TNFRSF11B: variants seen among roughly 807,000 people sequenced by gnomAD.
The protein encoded by TNFRSF11B is tumor necrosis factor receptor superfamily member 11B.
TNFRSF11B carries 16 observed loss-of-function variants against 43.4 expected under a neutral mutation model. The ratio of observed to expected loss-of-function variants is 0.37; its 90% CI spans 0.25 to 0.56. The LOEUF is 0.56. Ranked by LOEUF, TNFRSF11B falls within the 20% of genes least tolerant of loss-of-function variation. The pLI is 0.80. For synonymous variants in TNFRSF11B, 185 were observed against 181.8 expected (o/e 1.02, Z -0.14); for missense variants, 444 against 490.1 (o/e 0.91, Z 0.89).
At chr8:118,939,771 A>T (rs190403583) in intron 1 of TNFRSF11B, among the ~76,000 whole-genome samples, 64 of 152,342 alleles carry the variant, frequency 4.2e-4, no homozygotes, top group African/African-American at 1.5e-3. Context: ...AGCTGAAGAC[A>T]CAGCTTTCGT....
At chr8:118,930,998 G>A (rs1343453786) in intron 2 of TNFRSF11B, among the ~76,000 whole-genome samples, 2 of 152,032 alleles carry the variant, frequency 1.3e-5, no homozygotes, top group African/African-American at 4.8e-5. Context: ...ACTATCAGTG[G>A]AAATATAAAA....
intron 4 of TNFRSF11B, 109 bp downstream of exon 4, chr8:118,926,385 C>A (rs1812243622): frequency 9.4e-7 from 1 of 1,062,258 alleles, no homozygotes; most frequent in South Asian, 1.4e-5. Flanking sequence ...ATGATTCCAA[C>A]AGGGAAACAA....
chr8:118,933,740 G>A (rs11573905), intron 1 of TNFRSF11B, among the ~76,000 whole-genome samples: 4,304 of 151,346 alleles, frequency 0.028, 115 homozygotes, highest in East Asian at 0.16. Flanking sequence ...TTATTCCACC[G>A]ATGTGGGGAT....
chr8:118,929,702 C>T (rs974124778), intron 2 of TNFRSF11B, among the ~76,000 whole-genome samples: 1 of 152,094 alleles, frequency 6.6e-6, no homozygotes, highest in Non-Finnish European at 1.5e-5. Context: ...CAACTAAAGA[C>T]GCTATTAAAA....
At chr8:118,939,157 C>T (rs1012157985) in intron 1 of TNFRSF11B, among the ~76,000 whole-genome samples, 10 of 152,042 alleles carry the variant, frequency 6.6e-5, no homozygotes, top group Admixed American at 2.6e-4. Flanking sequence ...AAAGATCTCT[C>T]GGTACTATGA....
chr8:118,938,371 T>A (rs1265745569), intron 1 of TNFRSF11B, among the ~76,000 whole-genome samples: 1 of 152,194 alleles, frequency 6.6e-6, no homozygotes, highest in Non-Finnish European at 1.5e-5. Flanking sequence ...TATTTTGGTT[T>A]ATACCTACTT....
chr8:118,939,514 G>A (rs1487879802), intron 1 of TNFRSF11B, among the ~76,000 whole-genome samples: 1 of 152,168 alleles, frequency 6.6e-6, no homozygotes, highest in Non-Finnish European at 1.5e-5. Context: ...GAAAGAATAG[G>A]TATGACGTGT....
chr8:118,948,147 A>G (rs1812593253), intron 1 of TNFRSF11B, among the ~76,000 whole-genome samples: 1 of 152,210 alleles, frequency 6.6e-6, no homozygotes, highest in Non-Finnish European at 1.5e-5. Context: ...TAAACCATAC[A>G]AATATCCTGA....
chr8:118,949,433 G>A (rs1812609618), intron 1 of TNFRSF11B, among the ~76,000 whole-genome samples: 1 of 152,144 alleles, frequency 6.6e-6, no homozygotes, highest in South Asian at 2.1e-4. Flanking sequence ...AGGAGCTAGT[G>A]TTGATATGAA....
Position 118,928,884 on chromosome 8 carries a change from A to C in TNFRSF11B, c.446T>G (p.Phe149Cys), listed in dbSNP as rs1180065409. ...NTVCKRCPDG[F>C]FSNETSSKAP... ...TTTAGATGACGTCTCATTTGAGAAGAACCCATCTGGACATCTTTTGCAAAC... is the reference window on the plus strand; with the variant it reads ...TTTAGATGACGTCTCATTTGAGAAGCACCCATCTGGACATCTTTTGCAAAC... The change falls in exon 3 of 5, where the codon TTC (phenylalanine) becomes TGC (cysteine). Residue 149 changes from phenylalanine to cysteine, a missense_variant. Physicochemically the swap from Phe to Cys is radical, Grantham distance 205 (BLOSUM62 -2). Transcript: ENST00000297350. The C allele has an allele frequency of 1.2e-6, 2 of 1,614,090 alleles. No individual in the cohort carries two copies. Among genetic ancestry groups the C allele is most frequent in the Non-Finnish European group, 1.7e-6 (2 of 1,180,044 alleles).
chr8:118,923,829 A>G lies in TNFRSF11B; in HGVS notation c.*545T>C, dbSNP rs11573947. 7.3e-3 allele frequency: 1,118 copies of G among 152,720 alleles called. 5 individuals are homozygous for G. Among genetic ancestry groups the G allele is most frequent in the Admixed American group, 0.018 (279 of 15,296 alleles). The allele number at this position is 152,720 out of a possible 1,614,324, so 9.5% of individuals were successfully genotyped here. A position where few individuals can be genotyped will look rare whatever the true frequency, so the allele number is the denominator to read the frequency against. On this transcript the variant is annotated 3_prime_UTR_variant, in exon 5 of 5. Transcript: ENST00000297350. The stretch of plus-strand genomic sequence containing the variant: ...TACAAACTTTCCATTAAAAATATAT[A>G]TTTTCTCTTTCATTTGTCATAATAA...
chr8:118,943,120 A>T (rs1298692169), intron 1 of TNFRSF11B, among the ~76,000 whole-genome samples: 1 of 152,164 alleles, frequency 6.6e-6, no homozygotes, highest in Admixed American at 6.6e-5. Flanking sequence ...TATACTAAGC[A>T]GTAGCTTCTC....
At chr8:118,936,330 G>T (rs2129903375) in intron 1 of TNFRSF11B, among the ~76,000 whole-genome samples, 1 of 152,280 alleles carries the variant, frequency 6.6e-6, no homozygotes, top group East Asian at 1.9e-4. Context: ...TTTTCAGCAA[G>T]TTCAATTGGG....
At position 118,924,131 on chromosome 8, in the gene TNFRSF11B, T is replaced by A; in HGVS notation, c.*243A>T. The A allele has an allele frequency of 2.5e-6, 1 of 407,432 alleles. No individual in the cohort carries two copies. The highest frequency in any genetic ancestry group is 4.5e-6 in the Non-Finnish European group (1 of 224,572). The allele number at this position is 407,432 out of a possible 1,614,324, so 25.2% of individuals were successfully genotyped here. A position where few individuals can be genotyped will look rare whatever the true frequency, so the allele number is the denominator to read the frequency against. On this transcript the variant is annotated 3_prime_UTR_variant, in exon 5 of 5. Transcript: ENST00000297350. ...TTTCCAGTTGAATTACTGCAAGCAG[T>A]AATAAGGGAAAATATAGTCAGTAGA...
intron 3 of TNFRSF11B, among the ~76,000 whole-genome samples, chr8:118,927,374 C>T (rs1055338686): frequency 1.3e-5 from 2 of 152,026 alleles, no homozygotes; most frequent in African/African-American, 2.4e-5. Context: ...CTAGTTCTGC[C>T]GTTCTACTAC....
chr8:118,924,497 GAC>G lies in TNFRSF11B; in HGVS notation c.1081_1082del (p.Val361HisfsTer30), dbSNP rs1812222358. 6.2e-7 allele frequency: 1 copy of G among 1,613,950 alleles called. No homozygotes were observed. The highest frequency in any genetic ancestry group is 1.7e-5 in the Admixed American group (1 of 59,976). On this transcript the variant is annotated frameshift_variant, in exon 5 of 5. Coordinates refer to ENST00000297350, the MANE Select transcript of TNFRSF11B (RefSeq NM_002546.4). LOFTEE classifies it high-confidence loss of function. ...TGATGGTCTTCTTTAGACTCTGAGT[GAC>G]AGTTTTGGGAAAGTGGTACGTCTTT... The part of the protein sequence containing the change: ...HSKTYHFPKT[V>X]TQSLKKTIRF...
intron 4 of TNFRSF11B, among the ~76,000 whole-genome samples, chr8:118,925,758 T>C (rs1401485603): frequency 6.6e-6 from 1 of 152,214 alleles, no homozygotes; most frequent in Non-Finnish European, 1.5e-5. Context: ...CAATGCTTAC[T>C]GAAGTCAGAA....
chr8:118,926,847 G>A (rs1812252020), intron 3 of TNFRSF11B, 129 bp from the exon 4 acceptor site: 1 of 961,052 alleles, frequency 1.0e-6, no homozygotes, highest in South Asian at 1.4e-5. Flanking sequence ...AAAATGCAAA[G>A]TTTGAATAAA....
At chr8:118,937,606 T>G (rs1165015568) in intron 1 of TNFRSF11B, among the ~76,000 whole-genome samples, 1 of 152,122 alleles carries the variant, frequency 6.6e-6, no homozygotes, top group East Asian at 1.9e-4. Flanking sequence ...GTGAAAAAAA[T>G]TATTTTTCTA....
Sources: gnomAD v4.1 joint callset for allele counts (sites outside exome capture counted in the v4.1 genomes callset) on GRCh38, gnomAD v4.1.1 for gene constraint, MANE v1.5 for transcripts, NCBI Gene and HGNC (gene_info 2026-07-23, HGNC 2026-07-21) for gene names.